THSD7B: variants seen among roughly 807,000 people sequenced by gnomAD.
THSD7B encodes thrombospondin type-1 domain-containing protein 7B.
THSD7B carries 138 observed loss-of-function variants against 213.6 expected under a neutral mutation model. The observed-to-expected ratio is 0.65, with a 90% CI of 0.56 to 0.74. The LOEUF (loss-of-function observed/expected upper bound fraction) is 0.74, where lower values mean the gene tolerates loss of function less well. THSD7B is among the 30% of genes least tolerant of loss of function. The pLI, the probability that THSD7B is intolerant of heterozygous loss-of-function variation, is 0.00. For missense variants in THSD7B, 1,931 were observed against 1,991.5 expected, an observed-to-expected ratio of 0.97 and a Z score of 0.58; for synonymous variants, 742 against 687.0, an observed-to-expected ratio of 1.08 and a Z score of -1.25.
intron 1 of THSD7B, among the ~76,000 whole-genome samples, chr2:136,863,628 T>C (rs531126496): frequency 2.0e-5 from 3 of 152,278 alleles, no homozygotes; most frequent in South Asian, 4.1e-4. Context: ...AGAAAGCCAA[T>C]TGGAGCTGAG....
chr2:137,248,558 A>T (rs1400859006), intron 10 of THSD7B, among the ~76,000 whole-genome samples: 2 of 152,190 alleles, frequency 1.3e-5, no homozygotes, highest in East Asian at 3.9e-4. Flanking sequence ...TCTGAATGTC[A>T]AAAAGGTAAA....
At position 136,800,060 on chromosome 2, in the gene THSD7B, T is replaced by G. The variant is rs72975571; in HGVS notation, c.-36+34373T>G. Among the ~76,000 whole-genome samples, 456 of 152,182 alleles carry G rather than the reference T, an allele frequency of 3.0e-3. 1 individual carries two copies. Among genetic ancestry groups the G allele is most frequent in the African/African-American group, 9.9e-3 (412 of 41,564 alleles). On this transcript the variant is annotated intron_variant, in intron 1 of 27. Coordinates refer to ENST00000409968, the MANE Select transcript of THSD7B (RefSeq NM_001316349.2). ...GAATAAGAAATATTCTGATATGTGA[T>G]GCTTTATAGAAAATTGATTTCATTA...
chr2:137,250,224 A>G (rs1014838051), intron 10 of THSD7B, among the ~76,000 whole-genome samples: 2 of 152,178 alleles, frequency 1.3e-5, no homozygotes, highest in African/African-American at 4.8e-5. Flanking sequence ...GCATTACTCT[A>G]TTTGATTACT....
At chr2:137,299,349 G>T (rs1683544890) in intron 12 of THSD7B, among the ~76,000 whole-genome samples, 1 of 152,094 alleles carries the variant, frequency 6.6e-6, no homozygotes, top group African/African-American at 2.4e-5. Context: ...CTCATAGGCA[G>T]AAAGGACTTG....
chr2:137,619,929 C>T (rs903318890), intron 19 of THSD7B, among the ~76,000 whole-genome samples: 1 of 152,156 alleles, frequency 6.6e-6, no homozygotes, highest in African/African-American at 2.4e-5. Context: ...TCAAAGTTTT[C>T]CTAATAAGCA....
intron 2 of THSD7B, among the ~76,000 whole-genome samples, chr2:137,027,656 C>A (rs970584761): frequency 2.0e-5 from 3 of 152,132 alleles, no homozygotes; most frequent in African/African-American, 7.2e-5. Flanking sequence ...CATGTGCTGC[C>A]GTTTCTGTCT....
intron 17 of THSD7B, among the ~76,000 whole-genome samples, chr2:137,585,335 C>G (rs559910485): frequency 3.9e-5 from 6 of 151,938 alleles, no homozygotes; most frequent in East Asian, 1.9e-4. Context: ...TTGTCTCTAT[C>G]TCCTTCAGTT....
intron 4 of THSD7B, among the ~76,000 whole-genome samples, chr2:137,101,414 T>A (rs1234689069): frequency 6.6e-6 from 1 of 152,182 alleles, no homozygotes; most frequent in African/African-American, 2.4e-5. Context: ...GTCAGATAAA[T>A]TAACAGATTC....
At chr2:137,285,411 G>T (rs1179114649) in intron 12 of THSD7B, among the ~76,000 whole-genome samples, 1 of 151,982 alleles carries the variant, frequency 6.6e-6, no homozygotes, top group Non-Finnish European at 1.5e-5. Flanking sequence ...TTTAAGGTTA[G>T]TATTGTTATG....
chr2:137,075,009 G>C (rs1238490226), intron 3 of THSD7B, among the ~76,000 whole-genome samples: 1 of 152,140 alleles, frequency 6.6e-6, no homozygotes, highest in South Asian at 2.1e-4. Flanking sequence ...CTCTCTGGCT[G>C]CTCTTAACAT....
intron 15 of THSD7B, among the ~76,000 whole-genome samples, chr2:137,455,348 C>G (rs551794985): frequency 6.6e-6 from 1 of 152,258 alleles, no homozygotes; most frequent in South Asian, 2.1e-4. Context: ...GGAAAGAGAT[C>G]AGAATCCCCA....
intron 1 of THSD7B, among the ~76,000 whole-genome samples, chr2:136,782,119 T>C (rs1166273122): frequency 6.6e-6 from 1 of 152,230 alleles, no homozygotes; most frequent in East Asian, 1.9e-4. Context: ...AAATGTATTT[T>C]ACCTTGGAAA....
At chr2:136,932,597 C>T (rs1231255031) in intron 2 of THSD7B, among the ~76,000 whole-genome samples, 2 of 151,984 alleles carry the variant, frequency 1.3e-5, no homozygotes, top group Non-Finnish European at 2.9e-5. Flanking sequence ...GAAAAGAAAA[C>T]ATTATTGAGA....
At chr2:137,406,927 GAAT>G (rs1437503599) in intron 13 of THSD7B, among the ~76,000 whole-genome samples, 2 of 152,128 alleles carry the variant, frequency 1.3e-5, no homozygotes, top group Non-Finnish European at 2.9e-5. Flanking sequence ...TATGTGACAG[GAAT>G]AGTTGAAGTT....
intron 2 of THSD7B, among the ~76,000 whole-genome samples, chr2:136,970,436 G>T (rs1685386932): frequency 6.6e-6 from 1 of 151,364 alleles, no homozygotes; most frequent in Non-Finnish European, 1.5e-5. Context: ...ACTGTACTCA[G>T]CCAGGGAGAC....
chr2:137,445,300 C>G (rs1179634644), intron 14 of THSD7B, among the ~76,000 whole-genome samples: 1 of 151,956 alleles, frequency 6.6e-6, no homozygotes, highest in Non-Finnish European at 1.5e-5. Context: ...AAAGTATCAG[C>G]ACTGCAATGT....
chr2:137,431,140 T>C (rs567390703), intron 14 of THSD7B, among the ~76,000 whole-genome samples: 3 of 152,138 alleles, frequency 2.0e-5, no homozygotes, highest in Non-Finnish European at 4.4e-5. Context: ...TTTTATCCGT[T>C]TTAGAGAGGC....
At chr2:137,217,474 T>A (rs1233365213) in intron 7 of THSD7B, among the ~76,000 whole-genome samples, 1 of 152,158 alleles carries the variant, frequency 6.6e-6, no homozygotes, top group African/African-American at 2.4e-5. Flanking sequence ...TTTACATATT[T>A]AGGTGAAGTA....
intron 12 of THSD7B, among the ~76,000 whole-genome samples, chr2:137,281,974 A>G (rs1002352998): frequency 6.6e-5 from 10 of 152,146 alleles, no homozygotes; most frequent in Non-Finnish European, 8.8e-5. Flanking sequence ...TTGAGGAATC[A>G]CCACACTGAC....
Sources: allele counts gnomAD v4.1 joint callset (sites outside exome capture counted in the v4.1 genomes callset), GRCh38; gene constraint gnomAD v4.1.1; transcripts MANE v1.5; gene names NCBI Gene and HGNC (gene_info 2026-07-23, HGNC 2026-07-21).